Variants in FAM81B observed in about 807,000 individuals in gnomAD.
FAM81B encodes family with sequence similarity 81 member B.
Under a neutral mutation model 58.7 loss-of-function variants are expected in FAM81B, and 60 were observed. The observed-to-expected ratio is 1.02, with a 90% CI of 0.83 to 1.27. The LOEUF (loss-of-function observed/expected upper bound fraction) is 1.27. Among genes scored for constraint, FAM81B ranks in the 50% most tolerant of loss-of-function variants. FAM81B has a pLI of 0.00. For synonymous variants in FAM81B, 189 were observed against 179.6 expected, an observed-to-expected ratio of 1.05 and a Z score of -0.42; for missense variants, 491 against 522.0, an observed-to-expected ratio of 0.94 and a Z score of 0.58.
At chr5:95,433,624 T>C (rs1020246663) in intron 6 of FAM81B, among the ~76,000 whole-genome samples, 1 of 152,206 alleles carries the variant, frequency 6.6e-6, no homozygotes. Flanking sequence ...GTTTTTGGAA[T>C]ATTTTGAGGA....
chr5:95,399,113 G>A (rs975026021), intron 3 of FAM81B, among the ~76,000 whole-genome samples: 3 of 152,196 alleles, frequency 2.0e-5, no homozygotes, highest in Non-Finnish European at 2.9e-5. Context: ...TACATTTTGT[G>A]AAGATGAGGG....
rs771061770 is a variant in FAM81B, at chr5:95,391,405, C to A, written c.16C>A (p.Leu6Ile). ...CTTAGTTAGGATGCAATTACAATTCCTTGGTACATTGGCTTCCTCAGAAAA... is the reference window on the plus strand; with the variant it reads ...CTTAGTTAGGATGCAATTACAATTCATTGGTACATTGGCTTCCTCAGAAAA... MQLQFLGTLASSEKRK... is the reference protein window; with the variant it reads MQLQFIGTLASSEKRK... The change falls in exon 1 of 10, where the codon CTT becomes ATT. Residue 6 changes from leucine to isoleucine, a missense_variant. Transcript: ENST00000283357. The A allele has an allele frequency of 1.9e-6, 3 of 1,613,228 alleles. No homozygotes were observed. The highest frequency in any genetic ancestry group is 1.6e-4 in the Middle Eastern group (1 of 6,078).
At chr5:95,440,060 G>T in intron 7 of FAM81B, 1 of 463,104 alleles carries the variant, frequency 2.2e-6, no homozygotes, top group South Asian at 1.8e-5. Flanking sequence ...ACCTTTGTTT[G>T]GCTTGAAGAC....
At chr5:95,403,732 G>A (rs567741357) in intron 3 of FAM81B, among the ~76,000 whole-genome samples, 6 of 152,298 alleles carry the variant, frequency 3.9e-5, no homozygotes, top group Non-Finnish European at 8.8e-5. Flanking sequence ...GCGAAGAAGA[G>A]GGAAGTTTCT....
In FAM81B at chr5:95,446,549, T is replaced by G. The variant is rs1416496989; in HGVS notation, c.894-13T>G. On this transcript the variant is annotated splice_polypyrimidine_tract_variant and intron_variant, in intron 7 of 9. Coordinates refer to ENST00000283357, the MANE Select transcript of FAM81B (RefSeq NM_152548.3). ...TAACTTATTTAAATGAAACAAAACA[T>G]TTTTTCCCATAGATTTCATTCACTT... 4 of 1,558,402 alleles carry G rather than the reference T, an allele frequency of 2.6e-6. No homozygotes were observed. The highest frequency in any genetic ancestry group is 2.6e-6 in the Non-Finnish European group (3 of 1,157,348).
At chr5:95,433,062 CATT>C (rs1404616126) in intron 6 of FAM81B, among the ~76,000 whole-genome samples, 1 of 152,100 alleles carries the variant, frequency 6.6e-6, no homozygotes, top group South Asian at 2.1e-4. Flanking sequence ...GTAGTATTCT[CATT>C]ATTATTTCCT....
intron 6 of FAM81B, among the ~76,000 whole-genome samples, chr5:95,429,439 T>C (rs1187173499): frequency 6.6e-6 from 1 of 152,198 alleles, no homozygotes; most frequent in Non-Finnish European, 1.5e-5. Flanking sequence ...TCCTCTGAAG[T>C]CATTTGGGCA....
intron 3 of FAM81B, among the ~76,000 whole-genome samples, chr5:95,401,804 G>A (rs562639351): frequency 1.2e-4 from 18 of 152,302 alleles, no homozygotes; most frequent in Middle Eastern, 3.4e-3. Context: ...GAACAGGCAG[G>A]GAAGTGAGAG....
At chr5:95,432,094 T>A (rs1211710158) in intron 6 of FAM81B, among the ~76,000 whole-genome samples, 1 of 152,088 alleles carries the variant, frequency 6.6e-6, no homozygotes, top group Non-Finnish European at 1.5e-5. Context: ...AGCCAACTAT[T>A]CCTATATTAT....
At chr5:95,412,240 G>A (rs899405797) in intron 3 of FAM81B, among the ~76,000 whole-genome samples, 3 of 151,558 alleles carry the variant, frequency 2.0e-5, no homozygotes, top group Admixed American at 6.6e-5. Flanking sequence ...TCTATGATTC[G>A]ACATACACCA....
intron 7 of FAM81B, among the ~76,000 whole-genome samples, chr5:95,445,781 C>T (rs1290559734): frequency 2.0e-5 from 3 of 152,114 alleles, no homozygotes; most frequent in Non-Finnish European, 4.4e-5. Flanking sequence ...TAAAGTCCCC[C>T]TTGGCACATT....
At chr5:95,441,516 C>T (rs1466726702) in intron 7 of FAM81B, among the ~76,000 whole-genome samples, 4 of 151,880 alleles carry the variant, frequency 2.6e-5, no homozygotes, top group African/African-American at 9.7e-5. Flanking sequence ...TTGCAGTGAG[C>T]AGAGATCGTG....
chr5:95,409,876 CAG>C (rs900555046), intron 3 of FAM81B, among the ~76,000 whole-genome samples: 1 of 152,186 alleles, frequency 6.6e-6, no homozygotes, highest in African/African-American at 2.4e-5. Flanking sequence ...ATTCCTTTGG[CAG>C]AGATACTTGA....
intron 4 of FAM81B, among the ~76,000 whole-genome samples, chr5:95,415,354 C>A (rs542616121): frequency 1.3e-5 from 2 of 152,212 alleles, no homozygotes; most frequent in African/African-American, 2.4e-5. Flanking sequence ...GGGATTGAAC[C>A]AGCAATTACT....
rs117816518 is a variant in FAM81B, at chr5:95,398,849, T to G, written c.293+2674T>G. Among the ~76,000 whole-genome samples, 44 of 152,302 alleles carry G rather than the reference T, an allele frequency of 2.9e-4. No homozygotes were observed. In the East Asian group the frequency reaches 5.2e-3, roughly 18 times the overall value. The stretch of plus-strand genomic sequence containing the variant: ...GAGCAAAGTTTCGAAGGCAGGAATA[T>G]TCTTACGGTGTAGCAGGAACAGAAA... On this transcript the variant is annotated intron_variant, in intron 3 of 9. Transcript: ENST00000283357.
At chr5:95,404,133 C>G (rs1031351913) in intron 3 of FAM81B, among the ~76,000 whole-genome samples, 1 of 152,162 alleles carries the variant, frequency 6.6e-6, no homozygotes, top group Non-Finnish European at 1.5e-5. Flanking sequence ...GGCCACAAAG[C>G]AGCACTGGCT....
chr5:95,393,125 T>C (rs1761872601), intron 2 of FAM81B, among the ~76,000 whole-genome samples: 1 of 152,212 alleles, frequency 6.6e-6, no homozygotes, highest in Non-Finnish European at 1.5e-5. Flanking sequence ...GCTAAAATTC[T>C]TTTAAGTTGA....
chr5:95,427,871 G>A (rs1422987307), intron 5 of FAM81B, among the ~76,000 whole-genome samples: 1 of 152,010 alleles, frequency 6.6e-6, no homozygotes, highest in African/African-American at 2.4e-5. Context: ...CAGTTGTGGG[G>A]GTGTGGTTCT....
At chr5:95,428,573 G>T in intron 5 of FAM81B, 30 bp from the exon 6 acceptor site, 1 of 1,612,706 alleles carries the variant, frequency 6.2e-7, no homozygotes, top group South Asian at 1.1e-5. Context: ...TAAAGGTATT[G>T]ATCCACACCA....
Sources: gnomAD v4.1 joint callset for allele counts (sites outside exome capture counted in the v4.1 genomes callset) on GRCh38, gnomAD v4.1.1 for gene constraint, MANE v1.5 for transcripts, NCBI Gene and HGNC (gene_info 2026-07-23, HGNC 2026-07-21) for gene names.